The following MAPK10 variants were observed in gnomAD, a reference collection of about 807,000 sequenced individuals.
MAPK10 encodes the protein mitogen-activated protein kinase 10, also known as JNK3 alpha protein kinase.
MAPK10 carries 25 observed loss-of-function variants against 59.3 expected under a neutral mutation model. The ratio of observed to expected loss-of-function variants is 0.42; its 90% CI spans 0.31 to 0.59. The LOEUF is 0.59. Ranked by LOEUF, MAPK10 falls within the 20% of genes least tolerant of loss-of-function variation. The pLI is 0.15. For missense variants in MAPK10, 351 were observed against 568.9 expected, an observed-to-expected ratio of 0.62 and a Z score of 3.90; for synonymous variants, 190 against 200.5, an observed-to-expected ratio of 0.95 and a Z score of 0.44.
In MAPK10 at chr4:86,015,257, T is replaced by C. The variant is rs964196376; in HGVS notation, c.*1971A>G. 1.3e-5 allele frequency: 2 copies of C among 152,222 alleles called. No homozygotes were observed. The highest frequency in any genetic ancestry group is 6.5e-5 in the Admixed American group (1 of 15,274). 9.4% of individuals were successfully genotyped at this position (152,222 alleles called of 1,614,324 possible). ...TCTCAGAATGGCAGCACCACTGGCA[T>C]GGCGATGGTGCAGGTGGGTGCAGTT... is the stretch of plus-strand genomic sequence containing the variant. On this transcript the variant is annotated 3_prime_UTR_variant, in exon 14 of 14. Transcript: ENST00000641462.
chr4:86,051,953 C>T (rs936804738), intron 11 of MAPK10, among the ~76,000 whole-genome samples: 1 of 151,844 alleles, frequency 6.6e-6, no homozygotes, highest in African/African-American at 2.4e-5. Context: ...GTATGAGGAA[C>T]CCCTGAAAGC....
intron 11 of MAPK10, among the ~76,000 whole-genome samples, chr4:86,039,540 A>G (rs2041060004): frequency 6.6e-6 from 1 of 152,128 alleles, no homozygotes; most frequent in Non-Finnish European, 1.5e-5. Context: ...CCTTAGACTC[A>G]AGGTCTATAC....
chr4:86,227,815 T>TG (rs1361722738), intron 2 of MAPK10, among the ~76,000 whole-genome samples: 3 of 152,216 alleles, frequency 2.0e-5, no homozygotes, highest in African/African-American at 4.8e-5. Flanking sequence ...CCTCACATTT[T>TG]GTTTTAACCC....
intron 1 of MAPK10, among the ~76,000 whole-genome samples, chr4:86,466,827 CG>C (rs1752249867): frequency 6.6e-6 from 1 of 152,176 alleles, no homozygotes; most frequent in African/African-American, 2.4e-5. Flanking sequence ...GGCTAACCTG[CG>C]GGAGATTATA....
intron 2 of MAPK10, among the ~76,000 whole-genome samples, chr4:86,211,152 G>C (rs1485045529): frequency 6.6e-6 from 1 of 151,822 alleles, no homozygotes; most frequent in African/African-American, 2.4e-5. Flanking sequence ...GAGAGAGAGA[G>C]GGGTAGAAAG....
chr4:86,284,423 C>T (rs375590185), intron 2 of MAPK10, among the ~76,000 whole-genome samples: 13 of 152,114 alleles, frequency 8.5e-5, no homozygotes, highest in Non-Finnish European at 2.9e-5. Context: ...TTCCTCTGAA[C>T]GACTTCCATT....
intron 1 of MAPK10, among the ~76,000 whole-genome samples, chr4:86,415,835 A>T (rs1487828896): frequency 6.6e-6 from 1 of 152,218 alleles, no homozygotes; most frequent in Non-Finnish European, 1.5e-5. Context: ...ATAGAGTAGA[A>T]TGGAACTCCA....
chr4:86,185,149 G>T lies in MAPK10; in HGVS notation c.66+9187C>A, dbSNP rs192895961. 3.4e-3 allele frequency among the ~76,000 whole-genome samples: 517 copies of T among 152,298 alleles called. 4 individuals are homozygous for T. The highest frequency in any genetic ancestry group is 0.023 in the South Asian group (109 of 4,826). ...GCATATTCAGCTCTTGTGAGCCTGT[G>T]TGAACTGGCCCCAGCAGGACACTGA... is the stretch of plus-strand genomic sequence containing the variant. On this transcript the variant is annotated intron_variant, in intron 3 of 13. Transcript: ENST00000641462.
At chr4:86,555,708 A>G (rs1344214223) in intron 1 of MAPK10, among the ~76,000 whole-genome samples, 1 of 152,204 alleles carries the variant, frequency 6.6e-6, no homozygotes, top group Admixed American at 6.5e-5. Flanking sequence ...TATTTAAATA[A>G]ATATAATGAG....
At chr4:86,420,443 C>T (rs754017801) in intron 1 of MAPK10, among the ~76,000 whole-genome samples, 3 of 152,088 alleles carry the variant, frequency 2.0e-5, no homozygotes, top group African/African-American at 7.2e-5. Flanking sequence ...CAAGGAATAA[C>T]GGTAACCCAA....
intron 1 of MAPK10, among the ~76,000 whole-genome samples, chr4:86,472,680 CAAGAT>C (rs1424937065): frequency 3.9e-5 from 6 of 151,920 alleles, no homozygotes; most frequent in Non-Finnish European, 5.9e-5. Context: ...AGTAGAAAGA[CAAGAT>C]AAGATTCTGA....
intron 11 of MAPK10, among the ~76,000 whole-genome samples, chr4:86,047,761 A>G (rs1204130205): frequency 6.6e-6 from 1 of 152,174 alleles, no homozygotes; most frequent in Non-Finnish European, 1.5e-5. Flanking sequence ...GCAAGCCATG[A>G]TAAGTACTTT....
chr4:86,055,856 C>T (rs901347438), intron 11 of MAPK10, among the ~76,000 whole-genome samples: 1 of 149,896 alleles, frequency 6.7e-6, no homozygotes, highest in African/African-American at 2.5e-5. Flanking sequence ...TTGAGAGTTG[C>T]TATTAAATTT....
At chr4:86,172,221 T>G (rs910636614) in intron 3 of MAPK10, among the ~76,000 whole-genome samples, 6 of 141,942 alleles carry the variant, frequency 4.2e-5, no homozygotes, top group African/African-American at 1.8e-4. Context: ...ATCCCATTAC[T>G]GGGTATATAC....
intron 13 of MAPK10, among the ~76,000 whole-genome samples, chr4:86,023,326 G>T (rs1421459429): frequency 6.6e-6 from 1 of 152,108 alleles, no homozygotes; most frequent in Non-Finnish European, 1.5e-5. Context: ...ACTCTGTCTT[G>T]AATATTGTAG....
chr4:86,075,829 G>C (rs1281380462), intron 9 of MAPK10, among the ~76,000 whole-genome samples: 1 of 152,174 alleles, frequency 6.6e-6, no homozygotes, highest in African/African-American at 2.4e-5. Context: ...AGTCTGCAGA[G>C]GTTACTGCTG....
At chr4:86,327,927 C>T (rs1023756099) in intron 2 of MAPK10, among the ~76,000 whole-genome samples, 20 of 151,796 alleles carry the variant, frequency 1.3e-4, no homozygotes, top group Admixed American at 9.2e-4. Context: ...TCCAGCTAGG[C>T]GACAGAGTGA....
At chr4:86,054,872 C>T (rs905699440) in intron 11 of MAPK10, among the ~76,000 whole-genome samples, 1 of 152,164 alleles carries the variant, frequency 6.6e-6, no homozygotes. Context: ...AGAGGTAGTC[C>T]TTGTGGCAGG....
At chr4:86,488,824 G>A in intron 1 of MAPK10, among the ~76,000 whole-genome samples, 1 of 152,190 alleles carries the variant, frequency 6.6e-6, no homozygotes, top group East Asian at 1.9e-4. Context: ...CCTAGAGTAA[G>A]TGGTAAAAAT....
Sources: gnomAD v4.1 joint callset for allele counts (sites outside exome capture counted in the v4.1 genomes callset) on GRCh38, gnomAD v4.1.1 for gene constraint, MANE v1.5 for transcripts, NCBI Gene and HGNC (gene_info 2026-07-23, HGNC 2026-07-21) for gene names.